The following PPP2R3A variants were observed in gnomAD, a reference collection of about 807,000 sequenced individuals.
PPP2R3A encodes the protein protein phosphatase 2 regulatory subunit B''alpha.
A neutral mutation model predicts 106.9 loss-of-function variants in PPP2R3A; 80 were observed. The observed-to-expected ratio is 0.75, with a 90% confidence interval of 0.62 to 0.90. PPP2R3A has a LOEUF of 0.90. Ranked by LOEUF, PPP2R3A falls within the 40% of genes least tolerant of loss-of-function variation. PPP2R3A has a pLI of 0.00. For missense variants in PPP2R3A, 1,386 were observed against 1,350.4 expected, an observed-to-expected ratio of 1.03 and a Z score of -0.41; for synonymous variants, 483 against 468.3, an observed-to-expected ratio of 1.03 and a Z score of -0.41.
At chr3:136,089,278 C>G (rs556410369) in intron 9 of PPP2R3A, among the ~76,000 whole-genome samples, 1 of 152,172 alleles carries the variant, frequency 6.6e-6, no homozygotes, top group South Asian at 2.1e-4. Flanking sequence ...AAGTAAGGGT[C>G]TGGTTTCATT....
chr3:136,114,775 A>G (rs1471813622), intron 13 of PPP2R3A, among the ~76,000 whole-genome samples: 1 of 152,234 alleles, frequency 6.6e-6, no homozygotes, highest in Non-Finnish European at 1.5e-5. Flanking sequence ...AAAGGCAGCA[A>G]CTACAGTCAG....
chr3:136,117,945 A>T (rs544022077), intron 13 of PPP2R3A, among the ~76,000 whole-genome samples: 1 of 152,232 alleles, frequency 6.6e-6, no homozygotes, highest in Non-Finnish European at 1.5e-5. Context: ...TCAGGCCAGT[A>T]TTCCTGATGA....
intron 1 of PPP2R3A, among the ~76,000 whole-genome samples, chr3:135,976,080 G>C (rs1360467133): frequency 2.6e-5 from 4 of 152,174 alleles, no homozygotes; most frequent in African/African-American, 4.8e-5. Context: ...GCATAGCAGA[G>C]ACTGCTGGTT....
At chr3:136,100,794 C>T (rs903920111) in intron 10 of PPP2R3A, among the ~76,000 whole-genome samples, 4 of 152,098 alleles carry the variant, frequency 2.6e-5, no homozygotes, top group Non-Finnish European at 5.9e-5. Flanking sequence ...TGTGCCTCTA[C>T]TCCAGCCTGG....
At chr3:136,003,597 A>G in intron 2 of PPP2R3A, 104 bp downstream of exon 2, 2 of 1,033,416 alleles carry the variant, frequency 1.9e-6, no homozygotes, top group Admixed American at 5.6e-5. Context: ...TTGTTCTACT[A>G]AAGCTCTGCC....
intron 1 of PPP2R3A, among the ~76,000 whole-genome samples, chr3:135,990,919 G>A (rs1377574631): frequency 6.6e-6 from 1 of 152,040 alleles, no homozygotes; most frequent in Non-Finnish European, 1.5e-5. Context: ...TTCTGATGCT[G>A]TGTTGCCTTT....
chr3:136,038,016 A>G (rs1320314719), intron 3 of PPP2R3A, among the ~76,000 whole-genome samples: 1 of 151,716 alleles, frequency 6.6e-6, no homozygotes, highest in Non-Finnish European at 1.5e-5. Flanking sequence ...TCTCTCTTCT[A>G]TTAATAAAAG....
chr3:136,063,879 A>G lies in PPP2R3A; in HGVS notation c.2470-6599A>G, dbSNP rs371663641. On this transcript the variant is annotated intron_variant, in intron 5 of 13. Coordinates refer to ENST00000264977, the MANE Select transcript of PPP2R3A (RefSeq NM_002718.5). ...TGTGGCGATTCCTCAGGGATCTAGA[A>G]CTAGAAATACCATTTGACCCAGCCA... Among the ~76,000 whole-genome samples the G allele has an allele frequency of 6.7e-5, 10 of 150,130 alleles. No individual in the cohort carries two copies. The East Asian group carries it at 1.9e-3, about 29-fold the overall frequency.
chr3:136,033,648 CT>C (rs1934983785), intron 3 of PPP2R3A, among the ~76,000 whole-genome samples: 1 of 152,140 alleles, frequency 6.6e-6, no homozygotes, highest in Admixed American at 6.5e-5. Flanking sequence ...TTCATCTCTT[CT>C]AGGTTTTCTA....
chr3:136,000,569 C>G (rs1576423662), intron 1 of PPP2R3A, among the ~76,000 whole-genome samples: 1 of 152,164 alleles, frequency 6.6e-6, no homozygotes, highest in East Asian at 1.9e-4. Flanking sequence ...GTTTGAGACT[C>G]AAGAACAGGT....
chr3:136,145,394 C>T lies in PPP2R3A; in HGVS notation c.*228C>T. 1 of 371,920 alleles carries T rather than the reference C, an allele frequency of 2.7e-6. No individual in the cohort carries two copies. Among genetic ancestry groups the T allele is most frequent in the Non-Finnish European group, 4.8e-6 (1 of 206,688 alleles). 23.0% of individuals were successfully genotyped at this position (371,920 alleles called of 1,614,324 possible). On this transcript the variant is annotated 3_prime_UTR_variant, in exon 14 of 14. Coordinates refer to ENST00000264977, the MANE Select transcript of PPP2R3A (RefSeq NM_002718.5). The stretch of plus-strand genomic sequence containing the variant: ...CGGAGCTTCTCCTCAGAAGTGGTAC[C>T]ATCGCCTTCCAAAGTCAGCACTCTA...
chr3:136,076,969 C>T (rs1399212127), intron 6 of PPP2R3A, among the ~76,000 whole-genome samples: 1 of 145,840 alleles, frequency 6.9e-6, no homozygotes, highest in East Asian at 2.0e-4. Context: ...AAAAAAAAAG[C>T]ACCATATAAG....
At chr3:136,093,666 A>C (rs1459202569) in intron 10 of PPP2R3A, among the ~76,000 whole-genome samples, 1 of 152,212 alleles carries the variant, frequency 6.6e-6, no homozygotes, top group Non-Finnish European at 1.5e-5. Context: ...TGACATCATT[A>C]GTCATCAGAG....
chr3:135,983,273 A>T (rs1015910848), intron 1 of PPP2R3A, among the ~76,000 whole-genome samples: 12 of 152,166 alleles, frequency 7.9e-5, no homozygotes, highest in Admixed American at 2.6e-4. Flanking sequence ...CTGACCGTTT[A>T]TCCATTAAGA....
chr3:136,011,994 T>TACACACAC (rs35643220), intron 2 of PPP2R3A, among the ~76,000 whole-genome samples: 469 of 148,270 alleles, frequency 3.2e-3, no homozygotes, highest in Middle Eastern at 0.01. Flanking sequence ...CACACACACA[T>TACACACAC]ACACACACAC....
At chr3:136,116,788 T>C (rs1937779871) in intron 13 of PPP2R3A, among the ~76,000 whole-genome samples, 1 of 152,164 alleles carries the variant, frequency 6.6e-6, no homozygotes, top group African/African-American at 2.4e-5. Flanking sequence ...CACACAATAA[T>C]AGTGGGACAC....
intron 5 of PPP2R3A, among the ~76,000 whole-genome samples, chr3:136,062,493 G>C (rs1936109954): frequency 6.6e-6 from 1 of 152,130 alleles, no homozygotes; most frequent in Non-Finnish European, 1.5e-5. Context: ...GGAGGCCAAG[G>C]TGTGCAGATC....
chr3:136,006,047 A>G (rs1933832948), intron 2 of PPP2R3A, among the ~76,000 whole-genome samples: 1 of 152,142 alleles, frequency 6.6e-6, no homozygotes, highest in African/African-American at 2.4e-5. Context: ...CCTGGCTAAC[A>G]CCTCATGAGT....
intron 10 of PPP2R3A, among the ~76,000 whole-genome samples, chr3:136,095,219 A>G (rs1018431954): frequency 2.0e-4 from 30 of 152,184 alleles, no homozygotes; most frequent in African/African-American, 6.0e-4. Context: ...GCAGAAGTGG[A>G]GCTCTTCAGA....
Sources: allele counts gnomAD v4.1 joint callset (sites outside exome capture counted in the v4.1 genomes callset), GRCh38; gene constraint gnomAD v4.1.1; transcripts MANE v1.5; gene names NCBI Gene and HGNC (gene_info 2026-07-23, HGNC 2026-07-21).